PARD3B: variants seen among roughly 807,000 people sequenced by gnomAD.
PARD3B encodes partitioning defective 3 homolog B.
A neutral mutation model predicts 130.2 loss-of-function variants in PARD3B; 103 were observed. That is an observed-to-expected ratio of 0.79 (90% CI 0.67 to 0.93). PARD3B has a LOEUF of 0.93. Ranked by LOEUF, PARD3B falls within the 40% of genes least tolerant of loss-of-function variation. PARD3B has a pLI of 0.00. For missense variants in PARD3B, 1,609 were observed against 1,499.2 expected, an observed-to-expected ratio of 1.07 and a Z score of -1.21; for synonymous variants, 583 against 553.2, an observed-to-expected ratio of 1.05 and a Z score of -0.76.
chr2:204,582,322 T>C lies in PARD3B; in HGVS notation c.120+36203T>C, dbSNP rs964301132. 2.6e-5 allele frequency among the ~76,000 whole-genome samples: 4 copies of C among 152,232 alleles called. No individual in the cohort carries two copies. In the East Asian group the frequency reaches 7.7e-4, roughly 29 times the overall value. On this transcript the variant is annotated intron_variant, in intron 1 of 22. Transcript: ENST00000406610. Reference sequence around the variant, plus strand: ...CCTTTGCAGTTGATCTGTCAGTTTGTGTGTGTGCACAGCTGGAAAAGTGTG... The same window carrying C: ...CCTTTGCAGTTGATCTGTCAGTTTGCGTGTGTGCACAGCTGGAAAAGTGTG...
intron 2 of PARD3B, among the ~76,000 whole-genome samples, chr2:204,897,876 T>TAAA (rs111448626): frequency 7.4e-6 from 1 of 135,894 alleles, no homozygotes; most frequent in African/African-American, 2.7e-5. Flanking sequence ...ACCTTTAAAG[T>TAAA]AAAAAAAAAA....
intron 16 of PARD3B, among the ~76,000 whole-genome samples, chr2:205,249,939 GAAA>G (rs72169792): frequency 1.6e-5 from 2 of 125,208 alleles, no homozygotes; most frequent in Non-Finnish European, 3.4e-5. Context: ...AATGCCTGGA[GAAA>G]AAAAAAAAAC....
At chr2:204,784,093 A>G (rs952217877) in intron 2 of PARD3B, among the ~76,000 whole-genome samples, 1 of 152,174 alleles carries the variant, frequency 6.6e-6, no homozygotes, top group East Asian at 1.9e-4. Flanking sequence ...AAGAACACAT[A>G]GAAAGGGCTT....
intron 21 of PARD3B, among the ~76,000 whole-genome samples, chr2:205,518,795 G>T (rs371951551): frequency 6.6e-6 from 1 of 152,028 alleles, no homozygotes; most frequent in East Asian, 1.9e-4. Context: ...TTCCCTCAAC[G>T]TTTGCTTATC....
Position 204,678,397 on chromosome 2 carries a change from C to T in PARD3B, c.121-7784C>T, listed in dbSNP as rs1263233484. Among the ~76,000 whole-genome samples, 1 of 152,072 alleles carries T rather than the reference C, an allele frequency of 6.6e-6. No individual in the cohort carries two copies. The highest frequency in any genetic ancestry group is 2.4e-5 in the African/African-American group (1 of 41,386). On this transcript the variant is annotated intron_variant, in intron 1 of 22. Transcript: ENST00000406610. This position sits in a 1 kb window ranked among gnomAD's most constrained non-coding sequence, Gnocchi z 4.2. ...AGAGTCAGGGTGACATATACCCTGC[C>T]CTCTTGGTACCCGGGTTCTTGTCTG... is the stretch of plus-strand genomic sequence containing the variant.
At chr2:204,561,594 A>ATTTTT (rs549784375) in intron 1 of PARD3B, among the ~76,000 whole-genome samples, 1 of 124,992 alleles carries the variant, frequency 8.0e-6, no homozygotes, top group African/African-American at 3.0e-5. Flanking sequence ...TCTCCCTTGT[A>ATTTTT]TTTTTTTTTT....
At chr2:205,238,569 C>T (rs753427477) in intron 15 of PARD3B, among the ~76,000 whole-genome samples, 5 of 151,866 alleles carry the variant, frequency 3.3e-5, no homozygotes, top group Admixed American at 1.3e-4. Flanking sequence ...CGGTGGCTTA[C>T]GCCTGTAATC....
chr2:204,758,359 A>G (rs1227468592), intron 2 of PARD3B, among the ~76,000 whole-genome samples: 1 of 152,186 alleles, frequency 6.6e-6, no homozygotes, highest in Non-Finnish European at 1.5e-5. Context: ...CCAGTGAAAC[A>G]GTCTACCACA....
chr2:204,567,363 T>C (rs948465813), intron 1 of PARD3B, among the ~76,000 whole-genome samples: 2 of 152,196 alleles, frequency 1.3e-5, no homozygotes, highest in African/African-American at 4.8e-5. Flanking sequence ...CATTAAATAA[T>C]AACTCCCTAT....
chr2:204,610,029 T>A lies in PARD3B; in HGVS notation c.120+63910T>A, dbSNP rs1051225406. ...ACCAGAGTCAGGTTGGAACTTGGTG[T>A]CTTATTGCCACAAAGCGTCTGTTTT... On this transcript the variant is annotated intron_variant, in intron 1 of 22. Coordinates refer to ENST00000406610, the MANE Select transcript of PARD3B (RefSeq NM_001302769.2). The surrounding 1 kb of genome is among the most constrained non-coding windows in gnomAD (Gnocchi z 4.1). Among the ~76,000 whole-genome samples the A allele has an allele frequency of 6.6e-6, 1 of 152,138 alleles. No homozygotes were observed. Among genetic ancestry groups the A allele is most frequent in the African/African-American group, 2.4e-5 (1 of 41,426 alleles).
chr2:204,926,801 T>G (rs1011853266), intron 2 of PARD3B, among the ~76,000 whole-genome samples: 2 of 152,096 alleles, frequency 1.3e-5, no homozygotes, highest in Non-Finnish European at 2.9e-5. Flanking sequence ...TTCAAGCCAG[T>G]TTTGAAATTA....
chr2:204,843,130 C>A (rs1192946243), intron 2 of PARD3B, among the ~76,000 whole-genome samples: 1 of 152,016 alleles, frequency 6.6e-6, no homozygotes, highest in South Asian at 2.1e-4. Flanking sequence ...TGCCGCTAAA[C>A]CTCGGCCCAT....
chr2:204,966,773 T>C (rs1691292878), intron 3 of PARD3B, among the ~76,000 whole-genome samples: 1 of 152,182 alleles, frequency 6.6e-6, no homozygotes, highest in Admixed American at 6.5e-5. Flanking sequence ...TCTTTGAAAG[T>C]GTGGACTGTC....
At chr2:205,485,050 A>G (rs967123493) in intron 20 of PARD3B, among the ~76,000 whole-genome samples, 1 of 152,212 alleles carries the variant, frequency 6.6e-6, no homozygotes, top group East Asian at 1.9e-4. Flanking sequence ...ATACTCAGGC[A>G]TTGCCATTAC....
chr2:205,054,426 ATATATATATAT>A (rs1182971202), intron 4 of PARD3B, among the ~76,000 whole-genome samples: 10 of 23,816 alleles, frequency 4.2e-4, no homozygotes, highest in African/African-American at 1.3e-3. Flanking sequence ...ATATATATAT[ATATATATATAT>A]TTTTTTTTTT....
At chr2:205,222,088 C>T (rs146263114) in intron 15 of PARD3B, among the ~76,000 whole-genome samples, 2 of 151,114 alleles carry the variant, frequency 1.3e-5, no homozygotes, top group East Asian at 1.9e-4. Flanking sequence ...CCTCTACATG[C>T]GCCTCTGAAC....
Position 204,545,924 on chromosome 2 carries a change from C to A in PARD3B, c.-76C>A. ...CTCTGGGCCCACCCGCCCCGGGCGTCCTCCGAGAGTGGGGGCTGCGCCCGC... is the reference window on the plus strand; with the variant it reads ...CTCTGGGCCCACCCGCCCCGGGCGTACTCCGAGAGTGGGGGCTGCGCCCGC... On this transcript the variant is annotated 5_prime_UTR_variant, in exon 1 of 23. Transcript: ENST00000406610. 1 of 1,428,046 alleles carries A rather than the reference C, an allele frequency of 7.0e-7. No homozygotes were observed. The highest frequency in any genetic ancestry group is 9.2e-7 in the Non-Finnish European group (1 of 1,092,522). The allele number at this position is 1,428,046 out of a possible 1,614,324, so 88.5% of individuals were successfully genotyped here. A position where few individuals can be genotyped will look rare whatever the true frequency, so the allele number is the denominator to read the frequency against.
intron 2 of PARD3B, among the ~76,000 whole-genome samples, chr2:204,888,263 C>T (rs564009160): frequency 6.6e-6 from 1 of 151,994 alleles, no homozygotes; most frequent in African/African-American, 2.4e-5. Context: ...GAAGTGTTCC[C>T]AACAGAGAAT....
At chr2:205,326,890 G>A (rs1435632943) in intron 18 of PARD3B, among the ~76,000 whole-genome samples, 2 of 152,140 alleles carry the variant, frequency 1.3e-5, no homozygotes, top group African/African-American at 4.8e-5. Context: ...ATATTAATCA[G>A]ACTAGACAAA....
Sources: allele counts gnomAD v4.1 joint callset (sites outside exome capture counted in the v4.1 genomes callset), GRCh38; gene constraint gnomAD v4.1.1; non-coding constraint Gnocchi (gnomAD v3.1); transcripts MANE v1.5; gene names NCBI Gene and HGNC (gene_info 2026-07-23, HGNC 2026-07-21).